FSTL4: variants seen among roughly 807,000 people sequenced by gnomAD.
FSTL4 encodes follistatin like 4.
Under a neutral mutation model 78.2 loss-of-function variants are expected in FSTL4, and 28 were observed. That is an observed-to-expected ratio of 0.36 (90% CI 0.27 to 0.49). The LOEUF is 0.49. Among genes scored for constraint, FSTL4 ranks in the 20% least tolerant of loss-of-function variants. The pLI, the probability that FSTL4 is intolerant of heterozygous loss-of-function variation, is 0.98. For missense variants in FSTL4, 922 were observed against 1,084.9 expected (o/e 0.85, Z 2.11); for synonymous variants, 422 against 440.5 (o/e 0.96, Z 0.53).
At chr5:133,371,244 C>T (rs549014523) in intron 4 of FSTL4, among the ~76,000 whole-genome samples, 3 of 152,338 alleles carry the variant, frequency 2.0e-5, no homozygotes, top group South Asian at 2.1e-4. Context: ...GTGTCCACTC[C>T]GAGACTCTGA....
chr5:133,286,432 T>A (rs751152108), intron 6 of FSTL4, among the ~76,000 whole-genome samples: 4 of 152,230 alleles, frequency 2.6e-5, no homozygotes, highest in Admixed American at 6.5e-5. Flanking sequence ...TAACTTTTTC[T>A]GAAGAGATCT....
chr5:133,370,754 A>G (rs1755277724), intron 4 of FSTL4, among the ~76,000 whole-genome samples: 1 of 152,070 alleles, frequency 6.6e-6, no homozygotes, highest in Admixed American at 6.5e-5. Context: ...AGTGAGTCAG[A>G]GGCTCAGGCA....
intron 3 of FSTL4, among the ~76,000 whole-genome samples, chr5:133,422,422 T>C (rs530117750): frequency 6.6e-6 from 1 of 151,796 alleles, no homozygotes; most frequent in Admixed American, 6.5e-5. Flanking sequence ...GCGGAGGGCT[T>C]GGTGAGACAG....
At chr5:133,348,172 A>T (rs1754737624) in intron 4 of FSTL4, among the ~76,000 whole-genome samples, 1 of 152,232 alleles carries the variant, frequency 6.6e-6, no homozygotes, top group Non-Finnish European at 1.5e-5. Context: ...GGCTCTTGAA[A>T]ATCATACCAG....
intron 3 of FSTL4, among the ~76,000 whole-genome samples, chr5:133,506,081 T>C (rs1758606342): frequency 6.6e-6 from 1 of 152,310 alleles, no homozygotes; most frequent in African/African-American, 2.4e-5. Context: ...GAAGTCTTCA[T>C]TGAATGGAAA....
chr5:133,732,503 G>A, the FSTL4 span, among the ~76,000 whole-genome samples: 1 of 152,174 alleles, frequency 6.6e-6, no homozygotes, highest in South Asian at 2.1e-4. Context: ...TAGGAACAGG[G>A]TGAGAAACTT....
At chr5:133,530,970 C>T (rs1759238708) in intron 3 of FSTL4, among the ~76,000 whole-genome samples, 1 of 152,224 alleles carries the variant, frequency 6.6e-6, no homozygotes, top group Non-Finnish European at 1.5e-5. Context: ...GCCTGGACCA[C>T]AGTAGGCTGT....
At chr5:133,623,355 G>T in the FSTL4 span, among the ~76,000 whole-genome samples, 614 of 152,110 alleles carry the variant, frequency 4.0e-3, 4 homozygotes, top group African/African-American at 0.014. Flanking sequence ...CACATCTATG[G>T]CCAACTGATT....
the FSTL4 span, among the ~76,000 whole-genome samples, chr5:133,703,361 G>A: frequency 2.6e-5 from 4 of 152,154 alleles, no homozygotes; most frequent in African/African-American, 9.7e-5. Flanking sequence ...GCTGGGAGGA[G>A]AAAGCATTTA....
At chr5:133,538,612 G>T (rs1260177085) in intron 3 of FSTL4, among the ~76,000 whole-genome samples, 1 of 151,940 alleles carries the variant, frequency 6.6e-6, no homozygotes, top group East Asian at 1.9e-4. Context: ...CATTCTACCA[G>T]GAAGAGCTTT....
chr5:133,740,398 A>G, the FSTL4 span, among the ~76,000 whole-genome samples: 1 of 152,154 alleles, frequency 6.6e-6, no homozygotes, highest in Non-Finnish European at 1.5e-5. Flanking sequence ...TCTTGATATT[A>G]AAATACATAT....
chr5:133,693,168 T>C, the FSTL4 span, among the ~76,000 whole-genome samples: 6 of 152,192 alleles, frequency 3.9e-5, no homozygotes, highest in Non-Finnish European at 8.8e-5. Context: ...TGCCTCTGCT[T>C]TGCTGATCCA....
chr5:133,663,293 CA>C, the FSTL4 span, among the ~76,000 whole-genome samples: 1 of 152,334 alleles, frequency 6.6e-6, no homozygotes, highest in African/African-American at 2.4e-5. Context: ...ACAGTTTAGA[CA>C]CTGGTTTAGA....
intron 3 of FSTL4, among the ~76,000 whole-genome samples, chr5:133,560,366 C>T (rs1406882970): frequency 1.3e-5 from 2 of 152,146 alleles, no homozygotes; most frequent in Non-Finnish European, 2.9e-5. Flanking sequence ...AGCCCCTGAT[C>T]TTGGGAGAGA....
intron 14 of FSTL4, among the ~76,000 whole-genome samples, chr5:133,206,363 ATTTAT>A (rs1750504833): frequency 1.2e-5 from 1 of 84,630 alleles, no homozygotes; most frequent in South Asian, 4.9e-4. Context: ...ATGTAGTGTT[ATTTAT>A]TTTTTGAGAT....
Position 133,225,494 on chromosome 5 carries a change from A to C in FSTL4, c.1177+164T>G, listed in dbSNP as rs1751299765. Among the ~76,000 whole-genome samples, 1 of 152,212 alleles carries C rather than the reference A, an allele frequency of 6.6e-6. No homozygotes were observed. The highest frequency in any genetic ancestry group is 1.5e-5 in the Non-Finnish European group (1 of 68,038). Reference sequence around the variant, plus strand: ...CTCATCATTGCTGTCAGAAAGCCCCAAAAGATCTGTGTGAGCCCAGATAAC... The same window carrying C: ...CTCATCATTGCTGTCAGAAAGCCCCCAAAGATCTGTGTGAGCCCAGATAAC... On this transcript the variant is annotated intron_variant, in intron 9 of 15. Transcript: ENST00000265342. The surrounding 1 kb of genome is among the most constrained non-coding windows in gnomAD (Gnocchi z 4.6).
intron 14 of FSTL4, among the ~76,000 whole-genome samples, chr5:133,207,367 G>A (rs1009216362): frequency 2.0e-5 from 3 of 152,194 alleles, no homozygotes; most frequent in African/African-American, 7.2e-5. Flanking sequence ...ATGCATGCAT[G>A]CTTTTTTGTT....
At chr5:133,674,378 T>C in the FSTL4 span, among the ~76,000 whole-genome samples, 4 of 152,194 alleles carry the variant, frequency 2.6e-5, no homozygotes, top group African/African-American at 9.6e-5. Context: ...GGCCTTTAGA[T>C]AAATGGGGAT....
At chr5:133,602,950 A>G (rs1419361441) in intron 2 of FSTL4, among the ~76,000 whole-genome samples, 1 of 152,182 alleles carries the variant, frequency 6.6e-6, no homozygotes. Context: ...TTTTTGAGGT[A>G]ATTTTTATTT....
Sources: gnomAD v4.1 joint callset for allele counts (sites outside exome capture counted in the v4.1 genomes callset) on GRCh38, gnomAD v4.1.1 for gene constraint, Gnocchi (gnomAD v3.1) non-coding constraint, MANE v1.5 for transcripts, NCBI Gene and HGNC (gene_info 2026-07-23, HGNC 2026-07-21) for gene names.